Variants in ACAN observed in about 807,000 individuals in gnomAD.
ACAN encodes the protein aggrecan core protein.
Under a neutral mutation model 169.1 loss-of-function variants are expected in ACAN, and 47 were observed. The ratio of observed to expected loss-of-function variants is 0.28; its 90% CI spans 0.22 to 0.35. ACAN has a LOEUF of 0.35. Among genes scored for constraint, ACAN ranks in the 10% least tolerant of loss-of-function variants. ACAN has a pLI of 1.00. For synonymous variants in ACAN, 1,115 were observed against 1,112.2 expected, an observed-to-expected ratio of 1.00 and a Z score of -0.05; for missense variants, 2,716 against 2,759.9, an observed-to-expected ratio of 0.98 and a Z score of 0.36.
chr15:88,815,386 T>G (rs1425703499), intron 1 of ACAN, among the ~76,000 whole-genome samples: 2 of 151,842 alleles, frequency 1.3e-5, no homozygotes, highest in African/African-American at 4.8e-5. Context: ...TGGAGAAACC[T>G]CGTCTCTACT....
In ACAN at chr15:88,825,628, G is replaced by A. The variant is rs80251377; in HGVS notation, c.-7-10572G>A. Among the ~76,000 whole-genome samples, 346 of 152,334 alleles carry A rather than the reference G, an allele frequency of 2.3e-3. 1 individual carries two copies. Among genetic ancestry groups the A allele is most frequent in the African/African-American group, 8.1e-3 (337 of 41,572 alleles). ...CCTCAGAGAGAGGATGAAGAACAGCGTATCTCTTGTCCCAACAGGTCCAAG... is the reference window on the plus strand; with the variant it reads ...CCTCAGAGAGAGGATGAAGAACAGCATATCTCTTGTCCCAACAGGTCCAAG... On this transcript the variant is annotated intron_variant, in intron 1 of 18. Coordinates refer to ENST00000560601, the MANE Select transcript of ACAN (RefSeq NM_001369268.1).
rs974588961 is a variant in ACAN, at chr15:88,872,520, T to C, written c.7303-361T>C. Among the ~76,000 whole-genome samples the C allele has an allele frequency of 2.6e-5, 4 of 152,060 alleles. No homozygotes were observed. Among genetic ancestry groups the C allele is most frequent in the Admixed American group, 6.5e-5 (1 of 15,274 alleles). On this transcript the variant is annotated intron_variant, in intron 16 of 18. Transcript: ENST00000560601. The surrounding 1 kb of genome is among the most constrained non-coding windows in gnomAD (Gnocchi z 5.4). ...ACTTCTTGGTGGGCAGAAGCTGGACTTAAGAGCTGTGTTCCTACCATCCAT... is the reference window on the plus strand; with the variant it reads ...ACTTCTTGGTGGGCAGAAGCTGGACCTAAGAGCTGTGTTCCTACCATCCAT...
In ACAN at chr15:88,857,962, C is replaced by G. The variant is rs377189756; in HGVS notation, c.5377C>G (p.Pro1793Ala). The G allele has an allele frequency of 1.2e-6, 2 of 1,613,742 alleles. No homozygotes were observed. The highest frequency in any genetic ancestry group is 1.7e-6 in the Non-Finnish European group (2 of 1,179,860). ...TCTGAGTGGAGAAACATCTGGGGTC[C>G]CTGATCTCAGTGGGCAGCCTTCAGG... ...TDLSGETSGV[P>A]DLSGQPSGLP... The change falls in exon 12 of 19, where the codon CCT (proline) becomes GCT (alanine). Residue 1793 changes from proline (P) to alanine (A), a missense_variant. Physicochemically the swap from Pro to Ala is conservative, Grantham distance 27. Around this residue, in one of 3 missense-constraint regions of ACAN, gnomAD observed 1,389 missense variants for 1,363.7 expected, o/e 1.02. Transcript: ENST00000560601.
Position 88,839,953 on chromosome 15 carries a change from G to C in ACAN, c.455-59G>C. ...TTGCCATAATTCTGCGAGGGCCTCG[G>C]TGATCAGAGACTGTGCCTGACCAGC... On this transcript the variant is annotated intron_variant, in intron 3 of 18. Coordinates refer to ENST00000560601, the MANE Select transcript of ACAN (RefSeq NM_001369268.1). This position sits in a 1 kb window ranked among gnomAD's most constrained non-coding sequence, Gnocchi z 4.5. 1 of 1,547,130 alleles carries C rather than the reference G, an allele frequency of 6.5e-7. No individual in the cohort carries two copies. The highest frequency in any genetic ancestry group is 8.8e-7 in the Non-Finnish European group (1 of 1,140,994).
In ACAN at chr15:88,848,035, G is replaced by T. The variant is rs1281450365; in HGVS notation, c.1729G>T (p.Glu577Ter). Residue 577 changes from glutamate to a stop codon, truncating the protein, a stop_gained, in exon 9 of 19, where the codon GAG becomes TAG. Transcript: ENST00000560601. LOFTEE classifies it high-confidence loss of function. ...TGTCTACTGCTTTGTAGACAGACTT[G>T]AGGGTACAAGCCACATTCTCACATT... ...YDVYCFVDRL[E>*]GEVFFATRLE... is the part of the protein sequence containing the mutation. The T allele has an allele frequency of 6.2e-7, 1 of 1,613,560 alleles. No individual in the cohort carries two copies. Among genetic ancestry groups the T allele is most frequent in the Non-Finnish European group, 8.5e-7 (1 of 1,179,724 alleles).
At chr15:88,811,296 A>C (rs1034065457) in intron 1 of ACAN, among the ~76,000 whole-genome samples, 2 of 152,052 alleles carry the variant, frequency 1.3e-5, no homozygotes, top group African/African-American at 4.8e-5. Flanking sequence ...TTTTTTTCCT[A>C]AAGCAGATGG....
At position 88,857,870 on chromosome 15, in the gene ACAN, A is replaced by C. The variant is rs1897094854; in HGVS notation, c.5285A>C (p.Gln1762Pro). 6.2e-7 allele frequency: 1 copy of C among 1,613,704 alleles called. No homozygotes were observed. The highest frequency in any genetic ancestry group is 8.5e-7 in the Non-Finnish European group (1 of 1,179,780). The stretch of plus-strand genomic sequence containing the variant: ...GAGCTTAGCGGGCTGTCCTCTGGAC[A>C]ACCAGGTATTAGTGGAGAAGCATCT... ...VTELSGLSSG[Q>P]PGISGEASGV... Residue 1762 changes from glutamine to proline, a missense_variant, in exon 12 of 19, where the codon CAA (glutamine) becomes CCA (proline). Coordinates refer to ENST00000560601, the MANE Select transcript of ACAN (RefSeq NM_001369268.1).
chr15:88,867,018 C>T (rs1356735758), intron 13 of ACAN, among the ~76,000 whole-genome samples: 1 of 152,230 alleles, frequency 6.6e-6, no homozygotes, highest in Non-Finnish European at 1.5e-5. Context: ...CAGAATTTTA[C>T]TGATCTCCTG....
chr15:88,816,876 C>T (rs973767088), intron 1 of ACAN, among the ~76,000 whole-genome samples: 3 of 152,130 alleles, frequency 2.0e-5, no homozygotes, highest in Non-Finnish European at 2.9e-5. Context: ...AGGCTGTGAG[C>T]GAGAAAAACT....
rs763240570 is a variant in ACAN, at chr15:88,851,404, T to C, written c.2027-390T>C. The C allele has an allele frequency of 5.7e-6, 1 of 174,348 alleles. No homozygotes were observed. Among genetic ancestry groups the C allele is most frequent in the Non-Finnish European group, 1.2e-5 (1 of 82,446 alleles). 10.8% of individuals were successfully genotyped at this position (174,348 alleles called of 1,614,324 possible). A position where few individuals can be genotyped will look rare whatever the true frequency, so the allele number is the denominator to read the frequency against. ...TTAAATTCAAAGACTAGATCTGACA[T>C]TTGTAAGCCATTGACTCTGGGCAAA... On this transcript the variant is annotated intron_variant, in intron 10 of 18. Coordinates refer to ENST00000560601, the MANE Select transcript of ACAN (RefSeq NM_001369268.1). The surrounding 1 kb of genome is among the most constrained non-coding windows in gnomAD (Gnocchi z 4.3).
At chr15:88,805,789 A>T (rs1489231124) in intron 1 of ACAN, among the ~76,000 whole-genome samples, 1 of 152,240 alleles carries the variant, frequency 6.6e-6, no homozygotes, top group Non-Finnish European at 1.5e-5. Context: ...ACTGACAATC[A>T]TACTTAAAAG....
At chr15:88,822,081 G>C (rs185954760) in intron 1 of ACAN, among the ~76,000 whole-genome samples, 1 of 152,274 alleles carries the variant, frequency 6.6e-6, no homozygotes, top group East Asian at 1.9e-4. Context: ...TGGTATTCAG[G>C]GGTTATACTG....
chr15:88,825,906 C>T (rs1051633336), intron 1 of ACAN, among the ~76,000 whole-genome samples: 7 of 152,178 alleles, frequency 4.6e-5, no homozygotes, highest in Non-Finnish European at 5.9e-5. Context: ...GACTAGCATC[C>T]GCCTGGCTCC....
At position 88,832,802 on chromosome 15, in the gene ACAN, T is replaced by TC. The variant is rs1312448087; in HGVS notation, c.-7-3393dup. On this transcript the variant is annotated intron_variant, in intron 1 of 18. Transcript: ENST00000560601. ...CTACAACCACTAAACTCTCTTCCAA[T>TC]CCCCCAGTTCTGAGAGGCTCACTCA... Among the ~76,000 whole-genome samples the TC allele has an allele frequency of 1.1e-4, 17 of 152,236 alleles. No individual in the cohort carries two copies. In the South Asian group the frequency reaches 3.5e-3, roughly 32 times the overall value.
chr15:88,845,385 G>T, intron 6 of ACAN, 120 bp from the exon 7 acceptor site: 1 of 1,414,686 alleles, frequency 7.1e-7, no homozygotes, highest in Non-Finnish European at 9.4e-7. Flanking sequence ...GGCACACAGT[G>T]GTGCCCTCCT....
intron 1 of ACAN, among the ~76,000 whole-genome samples, chr15:88,828,612 G>A (rs1567170376): frequency 2.6e-5 from 4 of 152,176 alleles, no homozygotes; most frequent in Admixed American, 2.0e-4. Context: ...GCATTGCCCT[G>A]GATGTTGCAG....
At chr15:88,825,640 C>T (rs1052027867) in intron 1 of ACAN, among the ~76,000 whole-genome samples, 1 of 152,128 alleles carries the variant, frequency 6.6e-6, no homozygotes, top group Admixed American at 6.5e-5. Context: ...ATCTCTTGTC[C>T]CAACAGGTCC....
At position 88,872,521 on chromosome 15, in the gene ACAN, T is replaced by G. The variant is rs1897405178; in HGVS notation, c.7303-360T>G. Reference sequence around the variant, plus strand: ...CTTCTTGGTGGGCAGAAGCTGGACTTAAGAGCTGTGTTCCTACCATCCATC... The same window carrying G: ...CTTCTTGGTGGGCAGAAGCTGGACTGAAGAGCTGTGTTCCTACCATCCATC... On this transcript the variant is annotated intron_variant, in intron 16 of 18. Coordinates refer to ENST00000560601, the MANE Select transcript of ACAN (RefSeq NM_001369268.1). The surrounding 1 kb of genome is among the most constrained non-coding windows in gnomAD (Gnocchi z 5.4). 6.6e-6 allele frequency among the ~76,000 whole-genome samples: 1 copy of G among 152,046 alleles called. No homozygotes were observed. The highest frequency in any genetic ancestry group is 6.5e-5 in the Admixed American group (1 of 15,272).
chr15:88,832,049 A>T (rs1896377756), intron 1 of ACAN, among the ~76,000 whole-genome samples: 1 of 152,158 alleles, frequency 6.6e-6, no homozygotes, highest in Non-Finnish European at 1.5e-5. Context: ...TCTTGAGTAC[A>T]ATTGGAGCTG....
Sources: allele counts gnomAD v4.1 joint callset (sites outside exome capture counted in the v4.1 genomes callset), GRCh38; gene constraint gnomAD v4.1.1; regional missense constraint gnomAD v4.1.1; non-coding constraint Gnocchi (gnomAD v3.1); transcripts MANE v1.5; gene names NCBI Gene and HGNC (gene_info 2026-07-23, HGNC 2026-07-21).